ANGPT2: variants seen among roughly 807,000 people sequenced by gnomAD.
ANGPT2 encodes angiopoietin 2, also known as angiopoietin-2.
In ANGPT2, 28 loss-of-function variants were observed where a neutral mutation model predicts 62.9. That is an observed-to-expected ratio of 0.44 (90% confidence interval 0.33 to 0.61). The LOEUF is 0.61. ANGPT2 is among the 20% of genes least tolerant of loss of function. ANGPT2 has a pLI of 0.03. For synonymous variants in ANGPT2, 284 were observed against 207.8 expected, an observed-to-expected ratio of 1.37 and a Z score of -3.15; for missense variants, 727 against 594.9, an observed-to-expected ratio of 1.22 and a Z score of -2.31.
intron 1 of ANGPT2, among the ~76,000 whole-genome samples, chr8:6,540,744 G>T (rs897005392): frequency 6.6e-6 from 1 of 152,284 alleles, no homozygotes; most frequent in Non-Finnish European, 1.5e-5. Context: ...AGCAGAGCCT[G>T]AGACAAAGGC....
chr8:6,506,825 A>T (rs1439972859), intron 8 of ANGPT2, among the ~76,000 whole-genome samples: 1 of 151,384 alleles, frequency 6.6e-6, no homozygotes, highest in East Asian at 1.9e-4. Context: ...CATAAAAGGC[A>T]TGAAATTTAA....
At chr8:6,531,156 C>A (rs1039906665) in intron 2 of ANGPT2, among the ~76,000 whole-genome samples, 2 of 151,868 alleles carry the variant, frequency 1.3e-5, no homozygotes, top group Admixed American at 1.3e-4. Context: ...CTGCTAATAG[C>A]AGCTTTTCCC....
At chr8:6,505,299 A>AGTTGT in intron 8 of ANGPT2, among the ~76,000 whole-genome samples, 7 of 91,792 alleles carry the variant, frequency 7.6e-5, no homozygotes, top group South Asian at 3.1e-4. Flanking sequence ...ATATACATAT[A>AGTTGT]TATGTATATA....
chr8:6,499,733 C>A lies in ANGPT2; in HGVS notation c.*3368G>T. 1.2e-6 allele frequency: 1 copy of A among 810,106 alleles called. No individual in the cohort carries two copies. The highest frequency in any genetic ancestry group is 2.2e-6 in the Non-Finnish European group (1 of 463,650). 50.2% of individuals were successfully genotyped at this position (810,106 alleles called of 1,614,324 possible). On this transcript the variant is annotated 3_prime_UTR_variant, in exon 9 of 9. Transcript: ENST00000629816. ...GAAGGGACTTTGTTGTCTGAGAACA[C>A]ATCTATTTCAGATCTGCGGAGTGTA...
chr8:6,523,065 T>C (rs1052722744), intron 3 of ANGPT2, among the ~76,000 whole-genome samples: 1 of 152,046 alleles, frequency 6.6e-6, no homozygotes, highest in Non-Finnish European at 1.5e-5. Context: ...GGGTGCCATC[T>C]TGGCTCACTG....
rs980843322 is a variant in ANGPT2 at position 6,519,936 on chromosome 8, T to A, written c.855A>T (p.Glu285Asp). 3.1e-6 allele frequency: 5 copies of A among 1,614,042 alleles called. No homozygotes were observed. The Admixed American group carries it at 8.3e-5, about 27-fold the overall frequency. ...TCGTGGTGTGTCCTGATTTGAATAC[T>A]TCAGCACAGTCTCTGAAGCTGATTT... ...EEQISFRDCA[E>D]VFKSGHTTNG... The change falls in exon 5 of 9, where the codon GAA (glutamate) becomes GAT (aspartate). Residue 285 changes from glutamate to aspartate, a missense_variant. Coordinates refer to ENST00000629816, the MANE Select transcript of ANGPT2 (RefSeq NM_001118887.2).
chr8:6,508,751 C>G (rs1393870053), intron 8 of ANGPT2, 181 bp downstream of exon 8: 26 of 831,386 alleles, frequency 3.1e-5, no homozygotes, highest in Middle Eastern at 3.3e-4. Flanking sequence ...ATATCATATT[C>G]TCACTTAAAA....
chr8:6,532,056 C>A (rs975289831), intron 2 of ANGPT2, among the ~76,000 whole-genome samples: 35 of 152,298 alleles, frequency 2.3e-4, no homozygotes, highest in African/African-American at 7.9e-4. Flanking sequence ...GGGTATTCAT[C>A]TTGCAGTGGT....
chr8:6,531,573 T>C (rs571197649), intron 2 of ANGPT2, among the ~76,000 whole-genome samples: 1 of 152,324 alleles, frequency 6.6e-6, no homozygotes, highest in East Asian at 1.9e-4. Flanking sequence ...ATTACAGGCG[T>C]GAGCTACTGC....
chr8:6,531,273 GT>G (rs1321418878), intron 2 of ANGPT2, among the ~76,000 whole-genome samples: 6 of 150,006 alleles, frequency 4.0e-5, no homozygotes, highest in African/African-American at 7.4e-5. Flanking sequence ...TATTTTACTA[GT>G]TTCTTTCTTT....
intron 1 of ANGPT2, among the ~76,000 whole-genome samples, chr8:6,554,882 T>G (rs545705892): frequency 7.0e-4 from 106 of 152,280 alleles, no homozygotes; most frequent in Middle Eastern, 6.8e-3. Flanking sequence ...TTTAATAGGT[T>G]TCACATCTTT....
At chr8:6,509,114 G>A (rs369793463) in intron 7 of ANGPT2, 52 bp from the exon 8 acceptor site, 44 of 1,581,062 alleles carry the variant, frequency 2.8e-5, no homozygotes, top group East Asian at 4.5e-5. Context: ...TTGATTTACC[G>A]TAGTGGCAAA....
intron 1 of ANGPT2, among the ~76,000 whole-genome samples, chr8:6,553,172 T>C (rs1327126090): frequency 6.6e-6 from 1 of 152,090 alleles, no homozygotes; most frequent in Non-Finnish European, 1.5e-5. Context: ...ATGTTGATCG[T>C]AGGGGAGGTG....
chr8:6,555,734 A>AT (rs1824495902), intron 1 of ANGPT2, among the ~76,000 whole-genome samples: 2 of 152,168 alleles, frequency 1.3e-5, no homozygotes, highest in Admixed American at 6.5e-5. Flanking sequence ...AAGTGCTGCG[A>AT]TTACAGGCAT....
In ANGPT2 at chr8:6,520,478, C is replaced by G. The variant is rs562903205; in HGVS notation, c.800-487G>C. ...GTGACACATCTCAGCTTACCGCATC[C>G]TCCTCCTCCCAGGTTTAAGTGATTC... On this transcript the variant is annotated intron_variant, in intron 4 of 8. Transcript: ENST00000629816. Among the ~76,000 whole-genome samples the G allele has an allele frequency of 3.9e-5, 6 of 152,296 alleles. No homozygotes were observed. In the South Asian group the frequency reaches 1.2e-3, roughly 32 times the overall value.
chr8:6,532,741 C>T (rs1819766139), intron 1 of ANGPT2, among the ~76,000 whole-genome samples: 2 of 152,126 alleles, frequency 1.3e-5, no homozygotes, highest in African/African-American at 4.8e-5. Flanking sequence ...CTGGTTGCTT[C>T]TGTGTTCTTC....
chr8:6,555,383 C>T (rs1824414718), intron 1 of ANGPT2, among the ~76,000 whole-genome samples: 1 of 152,084 alleles, frequency 6.6e-6, no homozygotes, highest in Non-Finnish European at 1.5e-5. Context: ...AGGGCTGTAA[C>T]TAGATGTATG....
intron 1 of ANGPT2, 37 bp from the exon 2 acceptor site, chr8:6,532,524 A>C: frequency 1.3e-6 from 2 of 1,508,174 alleles, no homozygotes; most frequent in Non-Finnish European, 1.8e-6. Context: ...GTCATTAGTC[A>C]AATGACCGGA....
At chr8:6,522,514 C>CT (rs1360863033) in intron 3 of ANGPT2, among the ~76,000 whole-genome samples, 1 of 151,826 alleles carries the variant, frequency 6.6e-6, no homozygotes, top group East Asian at 1.9e-4. Context: ...TGGCTCACAC[C>CT]TATAATCCCA....
Sources: gnomAD v4.1 joint callset for allele counts (sites outside exome capture counted in the v4.1 genomes callset) on GRCh38, gnomAD v4.1.1 for gene constraint, MANE v1.5 for transcripts, NCBI Gene and HGNC (gene_info 2026-07-23, HGNC 2026-07-21) for gene names.